Variants in SH3RF1 observed in about 807,000 individuals in gnomAD.
SH3RF1 encodes the protein SH3 domain containing ring finger 1, also known as E3 ubiquitin-protein ligase SH3RF1.
Under a neutral mutation model 74.0 loss-of-function variants are expected in SH3RF1, and 32 were observed. That is an observed-to-expected ratio of 0.43 (90% confidence interval 0.33 to 0.58). SH3RF1 has a LOEUF of 0.58. SH3RF1 is among the 20% of genes least tolerant of loss of function. The pLI, the probability that SH3RF1 is intolerant of heterozygous loss-of-function variation, is 0.05. For synonymous variants in SH3RF1, 396 were observed against 439.6 expected (o/e 0.90, Z 1.24); for missense variants, 954 against 1,130.9 (o/e 0.84, Z 2.24).
At chr4:169,211,779 G>A (rs1466437580) in intron 2 of SH3RF1, among the ~76,000 whole-genome samples, 1 of 152,122 alleles carries the variant, frequency 6.6e-6, no homozygotes, top group Non-Finnish European at 1.5e-5. Flanking sequence ...GTATATGTCA[G>A]AGAATCTGTC....
At chr4:169,176,776 G>A (rs1316201125) in intron 2 of SH3RF1, among the ~76,000 whole-genome samples, 1 of 152,106 alleles carries the variant, frequency 6.6e-6, no homozygotes, top group Non-Finnish European at 1.5e-5. Flanking sequence ...CCCTGCCTCA[G>A]GCAATCCACC....
intron 10 of SH3RF1, among the ~76,000 whole-genome samples, chr4:169,114,991 A>AAT (rs1354460330): frequency 2.0e-5 from 3 of 152,272 alleles, no homozygotes; most frequent in African/African-American, 7.2e-5. Flanking sequence ...TAATAATGAC[A>AAT]ATAAAATTAT....
chr4:169,206,069 T>C (rs1420712287), intron 2 of SH3RF1, among the ~76,000 whole-genome samples: 1 of 152,168 alleles, frequency 6.6e-6, no homozygotes, highest in Non-Finnish European at 1.5e-5. Context: ...AATGCAAACA[T>C]TAGTGACAAA....
At chr4:169,170,352 A>G (rs1186402374) in intron 2 of SH3RF1, among the ~76,000 whole-genome samples, 1 of 152,216 alleles carries the variant, frequency 6.6e-6, no homozygotes, top group Non-Finnish European at 1.5e-5. Flanking sequence ...TACTTTTGTT[A>G]AGCATTTCGT....
intron 2 of SH3RF1, among the ~76,000 whole-genome samples, chr4:169,256,233 G>A (rs1731192060): frequency 6.6e-6 from 1 of 151,868 alleles, no homozygotes; most frequent in Non-Finnish European, 1.5e-5. Flanking sequence ...GAAGGAGGCA[G>A]AGAAGGAAGA....
intron 2 of SH3RF1, among the ~76,000 whole-genome samples, chr4:169,190,507 C>T (rs1408182270): frequency 6.6e-6 from 1 of 151,994 alleles, no homozygotes; most frequent in Non-Finnish European, 1.5e-5. Context: ...ATACAACCCT[C>T]CTAGCTTAAT....
At chr4:169,104,689 CT>C (rs879363543) in intron 11 of SH3RF1, among the ~76,000 whole-genome samples, 8 of 152,018 alleles carry the variant, frequency 5.3e-5, no homozygotes, top group Non-Finnish European at 1.2e-4. Context: ...ATTGCCTGAG[CT>C]CAGGAGTTCG....
At chr4:169,106,310 T>C (rs1246609848) in intron 11 of SH3RF1, among the ~76,000 whole-genome samples, 2 of 151,822 alleles carry the variant, frequency 1.3e-5, no homozygotes, top group African/African-American at 2.4e-5. Context: ...GGTTTTACCA[T>C]GTTGCTGGGA....
chr4:169,117,124 T>C (rs1425475117), intron 9 of SH3RF1, among the ~76,000 whole-genome samples: 1 of 152,206 alleles, frequency 6.6e-6, no homozygotes, highest in Non-Finnish European at 1.5e-5. Flanking sequence ...AAGAAAGCTG[T>C]TTAAGATCCC....
intron 2 of SH3RF1, among the ~76,000 whole-genome samples, chr4:169,196,701 T>C (rs1734818124): frequency 6.6e-6 from 1 of 152,210 alleles, no homozygotes; most frequent in East Asian, 1.9e-4. Context: ...GCAGACTTTT[T>C]TATACTTTAT....
intron 4 of SH3RF1, among the ~76,000 whole-genome samples, chr4:169,143,520 G>A (rs1733820712): frequency 6.6e-6 from 1 of 152,030 alleles, no homozygotes; most frequent in South Asian, 2.1e-4. Flanking sequence ...TGCTCCCGAG[G>A]CTCATTAAGC....
chr4:169,218,523 A>C lies in SH3RF1; in HGVS notation c.393+50297T>G, dbSNP rs185171528. Reference sequence around the variant, plus strand: ...TATATATATTTGCCCCCAAAACAAAAGCAAAACACTGGCCTGGTGCAAAAA... The same window carrying C: ...TATATATATTTGCCCCCAAAACAAACGCAAAACACTGGCCTGGTGCAAAAA... On this transcript the variant is annotated intron_variant, in intron 2 of 11. Transcript: ENST00000284637. 8.7e-5 allele frequency among the ~76,000 whole-genome samples: 13 copies of C among 148,960 alleles called. 1 individual carries two copies. The highest frequency in any genetic ancestry group is 7.5e-4 in the Admixed American group (11 of 14,700).
At chr4:169,246,700 A>G (rs1730999291) in intron 2 of SH3RF1, among the ~76,000 whole-genome samples, 1 of 152,246 alleles carries the variant, frequency 6.6e-6, no homozygotes, top group Admixed American at 6.5e-5. Context: ...TACAAATCAA[A>G]TTACCAAGGA....
chr4:169,215,946 G>A (rs1359402532), intron 2 of SH3RF1, among the ~76,000 whole-genome samples: 1 of 151,956 alleles, frequency 6.6e-6, no homozygotes, highest in Admixed American at 6.6e-5. Flanking sequence ...TGGGACCACT[G>A]GCACACACCA....
intron 4 of SH3RF1, among the ~76,000 whole-genome samples, chr4:169,154,020 T>C (rs2660432): frequency 0.55 from 84,025 of 151,986 alleles, 25,295 homozygotes; most frequent in East Asian, 0.72. Flanking sequence ...GCATGTAATA[T>C]TGATAATACC....
Position 169,116,365 on chromosome 4 carries a change from C to G in SH3RF1, c.2043G>C (p.Arg681=), listed in dbSNP as rs768961362. 1.9e-6 allele frequency: 3 copies of G among 1,614,170 alleles called. No individual in the cohort carries two copies. In the Admixed American group the frequency reaches 5.0e-5, roughly 27 times the overall value. The change falls in exon 10 of 12, where the codon CGG becomes CGC. Residue 681 remains arginine (R), a synonymous_variant. Coordinates refer to ENST00000284637, the MANE Select transcript of SH3RF1 (RefSeq NM_020870.4). ...GGAGTCCAGGGAGAACGGTCACTAT[C>G]CGGCCACTGGGCTCAGCCTCCAGAG... ...SASLEAEPSG[R]IVTVLPGLPT... is the part of the protein sequence containing the mutation.
At chr4:169,175,777 A>G (rs944171693) in intron 2 of SH3RF1, among the ~76,000 whole-genome samples, 3 of 152,202 alleles carry the variant, frequency 2.0e-5, no homozygotes, top group African/African-American at 7.2e-5. Flanking sequence ...TACCTGAGGC[A>G]AGTTGTACAC....
chr4:169,213,758 T>C lies in SH3RF1; in HGVS notation c.393+55062A>G, dbSNP rs182570782. 9.4e-3 allele frequency among the ~76,000 whole-genome samples: 1,425 copies of C among 152,368 alleles called. 13 individuals carry two copies. The highest frequency in any genetic ancestry group is 0.015 in the Non-Finnish European group (1,008 of 68,032). On this transcript the variant is annotated intron_variant, in intron 2 of 11. Transcript: ENST00000284637. ...AATGTCCAGTTACTCCAGCAGCCAT[T>C]TGTTGAAAACACTGTCTTTTCTCCA...
chr4:169,120,798 A>G (rs1194008535), intron 8 of SH3RF1, 21 bp downstream of exon 8: 1 of 1,612,670 alleles, frequency 6.2e-7, no homozygotes, highest in Non-Finnish European at 8.5e-7. Flanking sequence ...AACATAGTAA[A>G]CAATGTATTC....
Sources: gnomAD v4.1 joint callset for allele counts (sites outside exome capture counted in the v4.1 genomes callset) on GRCh38, gnomAD v4.1.1 for gene constraint, MANE v1.5 for transcripts, NCBI Gene and HGNC (gene_info 2026-07-23, HGNC 2026-07-21) for gene names.